Variants in EPM2A observed in about 807,000 individuals in gnomAD.
The protein encoded by EPM2A is EPM2A glucan phosphatase, laforin, also known as laforin.
In EPM2A, 21 loss-of-function variants were observed where a neutral mutation model predicts 26.5. That is an observed-to-expected ratio of 0.79 (90% CI 0.56 to 1.14). The LOEUF (loss-of-function observed/expected upper bound fraction) is 1.14. Ranked by LOEUF, EPM2A falls within the 50% of genes most tolerant of loss-of-function variation. The pLI is 0.00. For synonymous variants in EPM2A, 217 were observed against 177.6 expected, an observed-to-expected ratio of 1.22 and a Z score of -1.76; for missense variants, 458 against 440.8, an observed-to-expected ratio of 1.04 and a Z score of -0.35.
chr6:145,502,488 G>A lies in EPM2A; in HGVS notation c.394+34C>T, dbSNP rs540606193. ...GAAGAGATGACAGCCAGCTGAGGAAGCTGCTCACTGGGAGGAGGTGCATAC... is the reference window on the plus strand; with the variant it reads ...GAAGAGATGACAGCCAGCTGAGGAAACTGCTCACTGGGAGGAGGTGCATAC... On this transcript the variant is annotated intron_variant, in intron 3 of 3. Coordinates refer to the EPM2A transcript ENST00000450221. 98 of 468,638 alleles carry A rather than the reference G, an allele frequency of 2.1e-4. 2 individuals carry two copies. Among genetic ancestry groups the A allele is most frequent in the South Asian group, 1.5e-3 (95 of 64,438 alleles). The allele number at this position is 468,638 out of a possible 1,614,324, so 29.0% of individuals were successfully genotyped here. A position where few individuals can be genotyped will look rare whatever the true frequency, so the allele number is the denominator to read the frequency against.
intron 2 of EPM2A, among the ~76,000 whole-genome samples, chr6:145,570,275 G>C (rs1286433115): frequency 6.6e-6 from 1 of 152,030 alleles, no homozygotes; most frequent in Non-Finnish European, 1.5e-5. Context: ...TTGTCAACTT[G>C]AACCCATATA....
At chr6:145,413,015 A>G (rs1778663885) in intron 4 of EPM2A, among the ~76,000 whole-genome samples, 1 of 152,184 alleles carries the variant, frequency 6.6e-6, no homozygotes, top group South Asian at 2.1e-4. Flanking sequence ...AGATATGGTG[A>G]CAAAAGGCAG....
Position 145,683,474 on chromosome 6 carries a change from T to C in EPM2A, c.476+2648A>G, listed in dbSNP as rs536662321. ...GCAGTGGATAACAGGTTGAATTACC[T>C]GAGAATTCAGTAGGATAGAGACTTG... is the stretch of plus-strand genomic sequence containing the variant. On this transcript the variant is annotated intron_variant, in intron 2 of 3. Coordinates refer to ENST00000367519, the MANE Select transcript of EPM2A (RefSeq NM_005670.4). Among the ~76,000 whole-genome samples, 3 of 151,978 alleles carry C rather than the reference T, an allele frequency of 2.0e-5. No homozygotes were observed. The East Asian group carries it at 5.8e-4, about 29-fold the overall frequency.
intron 2 of EPM2A, among the ~76,000 whole-genome samples, chr6:145,661,926 TA>T (rs560242927): frequency 2.0e-5 from 3 of 151,858 alleles, no homozygotes; most frequent in African/African-American, 7.3e-5. Context: ...AGATCTGAAG[TA>T]AAAAAAACTC....
chr6:145,642,441 T>C (rs1777154773), intron 2 of EPM2A, among the ~76,000 whole-genome samples: 1 of 152,230 alleles, frequency 6.6e-6, no homozygotes, highest in Non-Finnish European at 1.5e-5. Flanking sequence ...AAATATGAAA[T>C]GATGCCTGCT....
chr6:145,704,381 G>C (rs1172998187), intron 1 of EPM2A, among the ~76,000 whole-genome samples: 1 of 152,150 alleles, frequency 6.6e-6, no homozygotes, highest in African/African-American at 2.4e-5. Context: ...CTGCCACCCA[G>C]TGGAAACAGA....
intron 2 of EPM2A, among the ~76,000 whole-genome samples, chr6:145,539,213 C>A (rs1780474212): frequency 6.6e-6 from 1 of 152,180 alleles, no homozygotes; most frequent in South Asian, 2.1e-4. Flanking sequence ...ACTAAGGATA[C>A]AACAGTGCCA....
At chr6:145,568,059 C>T (rs1189375328) in intron 2 of EPM2A, among the ~76,000 whole-genome samples, 1 of 152,164 alleles carries the variant, frequency 6.6e-6, no homozygotes, top group Non-Finnish European at 1.5e-5. Flanking sequence ...AGGAAGGATG[C>T]CACATAATTA....
intron 1 of EPM2A, chr6:145,705,398 CACA>C (rs1319208467): frequency 1.1e-5 from 4 of 353,130 alleles, no homozygotes; most frequent in Admixed American, 3.8e-5. Flanking sequence ...CATACACACA[CACA>C]AGTTAGCTGG....
At chr6:145,697,275 A>C (rs1781650242) in intron 1 of EPM2A, among the ~76,000 whole-genome samples, 1 of 152,102 alleles carries the variant, frequency 6.6e-6, no homozygotes, top group African/African-American at 2.4e-5. Context: ...GCAAGTTTTT[A>C]TTAGTGATTT....
intron 1 of EPM2A, chr6:145,721,316 G>A (rs976094330): frequency 2.0e-5 from 3 of 152,214 alleles, no homozygotes; most frequent in Admixed American, 6.5e-5. Context: ...ACTCCTGTAT[G>A]TACTGGCGGC....
intron 4 of EPM2A, among the ~76,000 whole-genome samples, chr6:145,421,728 T>C (rs1031579363): frequency 1.3e-5 from 2 of 151,906 alleles, no homozygotes; most frequent in African/African-American, 4.8e-5. Context: ...TAATATGTGA[T>C]TTGGATTTAA....
chr6:145,421,742 A>T (rs990198407), intron 4 of EPM2A, among the ~76,000 whole-genome samples: 1 of 151,958 alleles, frequency 6.6e-6, no homozygotes, highest in Non-Finnish European at 1.5e-5. Context: ...GATTTAAAAT[A>T]AAACATATGT....
chr6:145,405,010 A>T (rs920484224), intron 4 of EPM2A, among the ~76,000 whole-genome samples: 2 of 152,198 alleles, frequency 1.3e-5, no homozygotes, highest in Non-Finnish European at 2.9e-5. Flanking sequence ...AGTAATGAAC[A>T]TCTTGAACAC....
At chr6:145,508,806 C>T (rs1780014087) in intron 2 of EPM2A, among the ~76,000 whole-genome samples, 2 of 152,084 alleles carry the variant, frequency 1.3e-5, no homozygotes, top group African/African-American at 2.4e-5. Context: ...AGAAACTCAA[C>T]AAGATACAAG....
chr6:145,473,618 A>C lies in EPM2A; in HGVS notation c.555+28904T>G, dbSNP rs542834522. On this transcript the variant is annotated intron_variant, in intron 4 of 4. Coordinates refer to the EPM2A transcript ENST00000638717. ...AGATGACTACCTCAAGGCATTTAAT[A>C]GTCAAAACTCCTGAAAGTTAAGGTT... Among the ~76,000 whole-genome samples, 43 of 152,276 alleles carry C rather than the reference A, an allele frequency of 2.8e-4. No homozygotes were observed. In the South Asian group the frequency reaches 8.1e-3, roughly 29 times the overall value.
At chr6:145,512,457 G>A (rs1780067412) in intron 2 of EPM2A, among the ~76,000 whole-genome samples, 1 of 152,050 alleles carries the variant, frequency 6.6e-6, no homozygotes, top group Non-Finnish European at 1.5e-5. Context: ...GCTCACGTCT[G>A]TAATCCCAGC....
intron 2 of EPM2A, among the ~76,000 whole-genome samples, chr6:145,669,830 G>A (rs142022974): frequency 6.6e-6 from 1 of 152,252 alleles, no homozygotes; most frequent in Non-Finnish European, 1.5e-5. Flanking sequence ...AAATTCATGA[G>A]TCAGTACATT....
intron 1 of EPM2A, among the ~76,000 whole-genome samples, chr6:145,698,635 A>C (rs1282645151): frequency 1.3e-5 from 2 of 152,158 alleles, no homozygotes; most frequent in East Asian, 1.9e-4. Context: ...AGGTAAAAGC[A>C]AAAGTAAAAT....
Sources: allele counts gnomAD v4.1 joint callset (sites outside exome capture counted in the v4.1 genomes callset), GRCh38; gene constraint gnomAD v4.1.1; transcripts MANE v1.5; gene names NCBI Gene and HGNC (gene_info 2026-07-23, HGNC 2026-07-21).